DTX1: variants seen among roughly 807,000 people sequenced by gnomAD.
DTX1 encodes deltex E3 ubiquitin ligase 1.
In DTX1, 26 loss-of-function variants were observed where a neutral mutation model predicts 57.8. That is an observed-to-expected ratio of 0.45 (90% CI 0.33 to 0.62). DTX1 has a LOEUF of 0.62. Among genes scored for constraint, DTX1 ranks in the 20% least tolerant of loss-of-function variants. DTX1 has a pLI of 0.02. For synonymous variants in DTX1, 398 were observed against 394.1 expected (o/e 1.01, Z -0.12); for missense variants, 704 against 895.3 (o/e 0.79, Z 2.73).
At chr12:113,083,265 G>A (rs541089190) in intron 3 of DTX1, among the ~76,000 whole-genome samples, 269 of 152,252 alleles carry the variant, frequency 1.8e-3, no homozygotes, top group Non-Finnish European at 2.9e-3. Context: ...TTCAACACAT[G>A]ACTTCTTTGG....
intron 2 of DTX1, among the ~76,000 whole-genome samples, chr12:113,068,147 G>C (rs1052241541): frequency 6.6e-6 from 1 of 152,228 alleles, no homozygotes; most frequent in Non-Finnish European, 1.5e-5. Context: ...GCCTAGTCAT[G>C]AGCAGCATTC....
intron 3 of DTX1, among the ~76,000 whole-genome samples, chr12:113,080,732 T>C (rs980516829): frequency 3.3e-5 from 5 of 152,142 alleles, no homozygotes; most frequent in South Asian, 2.1e-4. Context: ...TCCCAGCACT[T>C]TGGGAGACCA....
At chr12:113,058,865 ATTG>A (rs2044648445) in intron 2 of DTX1, among the ~76,000 whole-genome samples, 1 of 152,252 alleles carries the variant, frequency 6.6e-6, no homozygotes, top group East Asian at 1.9e-4. Context: ...AAGTCTGTGT[ATTG>A]TTGTATTATT....
chr12:113,071,582 G>A (rs1180020393), intron 2 of DTX1, among the ~76,000 whole-genome samples: 4 of 152,246 alleles, frequency 2.6e-5, no homozygotes, highest in African/African-American at 9.6e-5. Context: ...TTCCCAGGCT[G>A]AAGAAACTCC....
At chr12:113,057,069 G>T (rs2044629040) in intron 1 of DTX1, 125 bp downstream of exon 1, 1 of 152,180 alleles carries the variant, frequency 6.6e-6, no homozygotes, top group African/African-American at 2.4e-5. Flanking sequence ...AGACGATCCA[G>T]CTCCTGGCTT....
intron 9 of DTX1, among the ~76,000 whole-genome samples, 168 bp from the exon 10 acceptor site, chr12:113,096,547 G>A (rs1019321317): frequency 6.6e-5 from 10 of 152,038 alleles, no homozygotes; most frequent in Admixed American, 5.2e-4. Context: ...GGAAGTTCAG[G>A]AAATACAAAT....
In DTX1 at chr12:113,097,301, C is replaced by T. The variant is rs1035484882; in HGVS notation, c.*362C>T. 3 of 232,694 alleles carry T rather than the reference C, an allele frequency of 1.3e-5. No individual in the cohort carries two copies. The Admixed American group carries it at 1.6e-4, about 13-fold the overall frequency. 14.4% of individuals were successfully genotyped at this position (232,694 alleles called of 1,614,324 possible). ...GAAGAGACAGAAAGACCCCATGACC[C>T]CCCCATGTGGATCCCCATCTGTGTC... On this transcript the variant is annotated 3_prime_UTR_variant, in exon 10 of 10. Transcript: ENST00000548759.
chr12:113,072,222 CT>C (rs2044742146), intron 2 of DTX1, among the ~76,000 whole-genome samples: 1 of 152,240 alleles, frequency 6.6e-6, no homozygotes, highest in South Asian at 2.1e-4. Context: ...TTGCACCAGG[CT>C]TTGTGCCTGG....
In DTX1 at chr12:113,058,116, G is replaced by A; in HGVS notation, c.-77G>A. 6.8e-7 allele frequency: 1 copy of A among 1,473,572 alleles called. No individual in the cohort carries two copies. The highest frequency in any genetic ancestry group is 9.0e-7 in the Non-Finnish European group (1 of 1,113,380). 91.3% of individuals were successfully genotyped at this position (1,473,572 alleles called of 1,614,324 possible). ...TGCTGTCCCCCTGGGGAGAGAGGAA[G>A]TTGCCGCCTGCTGCCAGGCCCAGGA... On this transcript the variant is annotated 5_prime_UTR_variant, in exon 2 of 10. Coordinates refer to ENST00000548759, the MANE Select transcript of DTX1 (RefSeq NM_004416.3).
Position 113,067,337 on chromosome 12 carries a change from C to T in DTX1, c.259+8886C>T, listed in dbSNP as rs571835588. The stretch of plus-strand genomic sequence containing the variant: ...CCCCAGCTTCCTCTGTTCTAGGGGG[C>T]GAAGGTTCACTTGTTCCAAGGTGTT... On this transcript the variant is annotated intron_variant, in intron 2 of 9. Transcript: ENST00000548759. Among the ~76,000 whole-genome samples the T allele has an allele frequency of 2.6e-5, 4 of 152,166 alleles. No individual in the cohort carries two copies. The East Asian group carries it at 5.8e-4, about 22-fold the overall frequency.
At position 113,093,896 on chromosome 12, in the gene DTX1, C is replaced by A; in HGVS notation, c.1166-142C>A. ...ACCTCCAGCAACCCCTGACCTCTGA[C>A]CCTGGCCAACCCTTGCCAGCCTGAC... On this transcript the variant is annotated intron_variant, in intron 5 of 9. Coordinates refer to ENST00000548759, the MANE Select transcript of DTX1 (RefSeq NM_004416.3). The surrounding 1 kb of genome is among the most constrained non-coding windows in gnomAD (Gnocchi z 4.2). The A allele has an allele frequency of 7.0e-7, 1 of 1,419,620 alleles. No homozygotes were observed. Among genetic ancestry groups the A allele is most frequent in the East Asian group, 2.5e-5 (1 of 40,142 alleles). 87.9% of individuals were successfully genotyped at this position (1,419,620 alleles called of 1,614,324 possible).
rs1950258820 is a variant in DTX1, at chr12:113,093,039, G to T, written c.942-123G>T. 5 of 527,434 alleles carry T rather than the reference G, an allele frequency of 9.5e-6. No individual in the cohort carries two copies. Among genetic ancestry groups the T allele is most frequent in the Non-Finnish European group, 1.4e-5 (5 of 347,324 alleles). The allele number at this position is 527,434 out of a possible 1,614,324, so 32.7% of individuals were successfully genotyped here. On this transcript the variant is annotated intron_variant, in intron 3 of 9. Transcript: ENST00000548759. This position sits in a 1 kb window ranked among gnomAD's most constrained non-coding sequence, Gnocchi z 4.2. ...AGTTTCCTGGAGGTAACTGCAGTTG[G>T]CAGAGAGGTACAAAGAGGCCAGGGT...
At chr12:113,084,305 G>A (rs922729581) in intron 3 of DTX1, among the ~76,000 whole-genome samples, 9 of 152,232 alleles carry the variant, frequency 5.9e-5, no homozygotes, top group East Asian at 3.8e-4. Context: ...TCCACCCCAC[G>A]TGGTGGGTGG....
intron 3 of DTX1, chr12:113,089,953 G>C (rs1203060841): frequency 2.0e-5 from 3 of 152,260 alleles, no homozygotes; most frequent in Non-Finnish European, 2.9e-5. Context: ...TATAGACCTG[G>C]GGTAGCAAAC....
At chr12:113,058,865 A>T (rs2044648425) in intron 2 of DTX1, among the ~76,000 whole-genome samples, 1 of 152,134 alleles carries the variant, frequency 6.6e-6, no homozygotes, top group African/African-American at 2.4e-5. Context: ...AAGTCTGTGT[A>T]TTGTTGTATT....
intron 2 of DTX1, among the ~76,000 whole-genome samples, chr12:113,066,239 G>T (rs1231185586): frequency 1.4e-5 from 2 of 143,936 alleles, no homozygotes; most frequent in African/African-American, 2.8e-5. Context: ...AGAATCATGG[G>T]GTGTGTAGGC....
At chr12:113,072,060 G>A (rs1278903576) in intron 2 of DTX1, among the ~76,000 whole-genome samples, 1 of 152,154 alleles carries the variant, frequency 6.6e-6, no homozygotes, top group African/African-American at 2.4e-5. Context: ...CTGGCCTGAG[G>A]GTCCTCCCCA....
At position 113,096,712 on chromosome 12, in the gene DTX1, C is replaced by G; in HGVS notation, c.1639-3C>G. The stretch of plus-strand genomic sequence containing the variant: ...CGGCCCCACTGTGTCCCTGTCCCCC[C>G]AGGTGCTGCGGCTGCTCATCACGGC... On this transcript the variant is annotated splice_polypyrimidine_tract_variant and splice_region_variant and intron_variant, in intron 9 of 9. Transcript: ENST00000548759. 6.2e-7 allele frequency: 1 copy of G among 1,610,200 alleles called. No homozygotes were observed. Among genetic ancestry groups the G allele is most frequent in the Non-Finnish European group, 8.5e-7 (1 of 1,178,718 alleles).
intron 3 of DTX1, among the ~76,000 whole-genome samples, chr12:113,079,993 T>C (rs907022090): frequency 1.3e-5 from 2 of 152,218 alleles, no homozygotes; most frequent in African/African-American, 4.8e-5. Context: ...ACACAGCATC[T>C]ACACTGGCAG....
Sources: allele counts gnomAD v4.1 joint callset (sites outside exome capture counted in the v4.1 genomes callset), GRCh38; gene constraint gnomAD v4.1.1; non-coding constraint Gnocchi (gnomAD v3.1); transcripts MANE v1.5; gene names NCBI Gene and HGNC (gene_info 2026-07-23, HGNC 2026-07-21).